The following SGCZ variants were observed in gnomAD, a reference collection of about 807,000 sequenced individuals.
SGCZ encodes zeta-sarcoglycan.
Under a neutral mutation model 41.3 loss-of-function variants are expected in SGCZ, and 40 were observed. The ratio of observed to expected loss-of-function variants is 0.97; its 90% CI spans 0.75 to 1.26. The LOEUF (loss-of-function observed/expected upper bound fraction) is 1.26, where lower values mean the gene tolerates loss of function less well. Among genes scored for constraint, SGCZ ranks in the 50% most tolerant of loss-of-function variants. The probability of loss-of-function intolerance (pLI) is 0.00; values close to 1 mark genes in which losing one functional copy is unlikely to be tolerated. For missense variants in SGCZ, 552 were observed against 369.8 expected, an observed-to-expected ratio of 1.49 and a Z score of -4.04; for synonymous variants, 206 against 137.5, an observed-to-expected ratio of 1.50 and a Z score of -3.49.
At chr8:14,131,245 C>T (rs1051967651) in intron 5 of SGCZ, among the ~76,000 whole-genome samples, 3 of 152,054 alleles carry the variant, frequency 2.0e-5, no homozygotes, top group Admixed American at 2.0e-4. Context: ...AGGGTGGCAC[C>T]TTAAAGGGAG....
intron 1 of SGCZ, among the ~76,000 whole-genome samples, chr8:15,214,201 T>A (rs188274376): frequency 6.6e-6 from 1 of 152,102 alleles, no homozygotes; most frequent in Non-Finnish European, 1.5e-5. Flanking sequence ...AATAGAATGA[T>A]CCATAATATA....
At chr8:14,622,919 A>G (rs191581123) in intron 1 of SGCZ, among the ~76,000 whole-genome samples, 2 of 152,300 alleles carry the variant, frequency 1.3e-5, no homozygotes, top group East Asian at 3.9e-4. Context: ...GTAATGCCCT[A>G]AAGCTCCTCC....
intron 1 of SGCZ, among the ~76,000 whole-genome samples, chr8:14,659,770 G>A (rs115501794): frequency 1.1e-3 from 168 of 152,258 alleles, no homozygotes; most frequent in African/African-American, 3.9e-3. Flanking sequence ...CAATGTACAT[G>A]TTGAAGTCCT....
At chr8:14,479,727 A>ATT (rs1244101937) in intron 2 of SGCZ, among the ~76,000 whole-genome samples, 1 of 109,388 alleles carries the variant, frequency 9.1e-6, no homozygotes, top group African/African-American at 3.8e-5. Flanking sequence ...CCAGAATTCT[A>ATT]CTTCTTTTTT....
chr8:14,876,475 T>G (rs1804360724), intron 1 of SGCZ, among the ~76,000 whole-genome samples: 1 of 151,838 alleles, frequency 6.6e-6, no homozygotes, highest in African/African-American at 2.4e-5. Flanking sequence ...CCAAGACAAG[T>G]GGAAGGAAGA....
At chr8:14,410,906 G>C (rs1209222301) in intron 2 of SGCZ, among the ~76,000 whole-genome samples, 1 of 152,054 alleles carries the variant, frequency 6.6e-6, no homozygotes, top group Non-Finnish European at 1.5e-5. Flanking sequence ...GAAATGTTTA[G>C]TTTGTTAGTT....
intron 3 of SGCZ, among the ~76,000 whole-genome samples, chr8:14,285,803 T>A (rs1800600466): frequency 6.6e-6 from 1 of 152,062 alleles, no homozygotes; most frequent in East Asian, 1.9e-4. Flanking sequence ...TCTATCAATA[T>A]CAGTAAAGAG....
At chr8:14,252,405 T>C (rs1271175690) in intron 3 of SGCZ, among the ~76,000 whole-genome samples, 3 of 152,168 alleles carry the variant, frequency 2.0e-5, no homozygotes, top group Non-Finnish European at 4.4e-5. Flanking sequence ...ATATATATGA[T>C]GTATATATAA....
intron 1 of SGCZ, among the ~76,000 whole-genome samples, chr8:14,788,490 T>A (rs1280546800): frequency 6.6e-6 from 1 of 152,188 alleles, no homozygotes; most frequent in Admixed American, 6.5e-5. Context: ...CAGCTATTGT[T>A]CCTACCATAA....
chr8:14,923,543 C>T (rs1036379665), intron 1 of SGCZ, among the ~76,000 whole-genome samples: 5 of 152,086 alleles, frequency 3.3e-5, no homozygotes, highest in Non-Finnish European at 7.4e-5. Flanking sequence ...CACATATATT[C>T]ATGGTGTCCC....
chr8:14,108,284 G>C (rs775618289), intron 5 of SGCZ, 49 bp from the exon 6 acceptor site: 2 of 1,524,934 alleles, frequency 1.3e-6, no homozygotes, highest in Non-Finnish European at 1.8e-6. Context: ...TCCACACAGT[G>C]GCTTTCATCT....
intron 1 of SGCZ, among the ~76,000 whole-genome samples, chr8:15,214,201 T>C (rs188274376): frequency 6.6e-6 from 1 of 152,220 alleles, no homozygotes; most frequent in African/African-American, 2.4e-5. Flanking sequence ...AATAGAATGA[T>C]CCATAATATA....
chr8:14,706,895 A>C (rs1809348195), intron 1 of SGCZ, among the ~76,000 whole-genome samples: 2 of 152,010 alleles, frequency 1.3e-5, no homozygotes, highest in Admixed American at 1.3e-4. Flanking sequence ...TTTTATTATA[A>C]ATGTAAAATA....
intron 2 of SGCZ, among the ~76,000 whole-genome samples, chr8:14,409,312 C>A (rs10441658): frequency 0.24 from 36,517 of 151,694 alleles, 4,569 homozygotes; most frequent in Non-Finnish European, 0.29. Context: ...TAGGAGGGGG[C>A]CTCTTATTCT....
intron 1 of SGCZ, among the ~76,000 whole-genome samples, chr8:14,990,421 C>T (rs1047887499): frequency 2.0e-5 from 3 of 152,078 alleles, no homozygotes; most frequent in East Asian, 3.9e-4. Flanking sequence ...TACTTTCAGC[C>T]GCTCCCCATC....
chr8:14,651,472 T>C (rs796089217), intron 1 of SGCZ, among the ~76,000 whole-genome samples: 1 of 152,046 alleles, frequency 6.6e-6, no homozygotes, highest in Non-Finnish European at 1.5e-5. Context: ...CAATAGACAG[T>C]GGTATTATTA....
intron 5 of SGCZ, among the ~76,000 whole-genome samples, chr8:14,128,850 A>G (rs1447153438): frequency 1.3e-5 from 2 of 152,192 alleles, no homozygotes; most frequent in African/African-American, 4.8e-5. Context: ...ACAAAGTCAA[A>G]AACGACATAT....
chr8:14,885,811 T>A (rs1804766198), intron 1 of SGCZ, among the ~76,000 whole-genome samples: 1 of 151,654 alleles, frequency 6.6e-6, no homozygotes, highest in African/African-American at 2.4e-5. Context: ...TTGTTGATGA[T>A]GTTATATTTT....
chr8:14,103,994 A>G (rs1258222276), intron 6 of SGCZ, among the ~76,000 whole-genome samples: 2 of 152,172 alleles, frequency 1.3e-5, no homozygotes, highest in Admixed American at 1.3e-4. Flanking sequence ...CAGTATCAAC[A>G]ATTAAATGTT....
Sources: allele counts gnomAD v4.1 joint callset (sites outside exome capture counted in the v4.1 genomes callset), GRCh38; gene constraint gnomAD v4.1.1; transcripts MANE v1.5; gene names NCBI Gene and HGNC (gene_info 2026-07-23, HGNC 2026-07-21).